Variants in SPATS2L observed in about 807,000 individuals in gnomAD.
SPATS2L encodes spermatogenesis associated serine rich 2 like.
A neutral mutation model predicts 59.6 loss-of-function variants in SPATS2L; 30 were observed. The observed-to-expected ratio is 0.50, with a 90% confidence interval of 0.38 to 0.68. The LOEUF is 0.68. Among genes scored for constraint, SPATS2L ranks in the 30% least tolerant of loss-of-function variants. The probability of loss-of-function intolerance (pLI) is 0.00; values close to 1 mark genes in which losing one functional copy is unlikely to be tolerated. For missense variants in SPATS2L, 615 were observed against 700.0 expected (o/e 0.88, Z 1.37); for synonymous variants, 252 against 263.5 (o/e 0.96, Z 0.42).
intron 3 of SPATS2L, among the ~76,000 whole-genome samples, chr2:200,403,089 A>G (rs2082582597): frequency 6.6e-6 from 1 of 152,240 alleles, no homozygotes; most frequent in Non-Finnish European, 1.5e-5. Flanking sequence ...AAGGAGAGTC[A>G]GTAGCAAGTA....
chr2:200,343,383 A>C (rs541305095), intron 2 of SPATS2L, among the ~76,000 whole-genome samples: 1 of 152,334 alleles, frequency 6.6e-6, no homozygotes, highest in East Asian at 1.9e-4. Flanking sequence ...ATTCATCAGA[A>C]TTATGGATAC....
chr2:200,427,884 G>A (rs552196621), intron 6 of SPATS2L, among the ~76,000 whole-genome samples: 1 of 152,028 alleles, frequency 6.6e-6, no homozygotes, highest in Admixed American at 6.6e-5. Context: ...CTTAGCCTGG[G>A]CAACATGGCA....
At chr2:200,392,261 C>T (rs1263364532) in intron 3 of SPATS2L, among the ~76,000 whole-genome samples, 3 of 152,074 alleles carry the variant, frequency 2.0e-5, no homozygotes, top group Non-Finnish European at 4.4e-5. Context: ...GAGGAGCTGA[C>T]GTTTAAGTTG....
chr2:200,447,953 G>A (rs1053430848), intron 8 of SPATS2L, among the ~76,000 whole-genome samples: 2 of 152,150 alleles, frequency 1.3e-5, no homozygotes, highest in African/African-American at 4.8e-5. Context: ...TTGGCCAGCT[G>A]GAGCAACACA....
chr2:200,308,967 C>A (rs2079111416), intron 1 of SPATS2L: 1 of 709,698 alleles, frequency 1.4e-6, no homozygotes, highest in South Asian at 1.5e-5. Context: ...AGAGAGTTAT[C>A]TGTGGGCTTG....
chr2:200,308,897 A>G (rs3769481), intron 1 of SPATS2L: 35,560 of 604,898 alleles, frequency 0.059, 1,885 homozygotes, highest in Admixed American at 0.21. Context: ...GGAGCCCCCT[A>G]ATGAAAGTCT....
chr2:200,466,031 C>T (rs1389988405), intron 9 of SPATS2L, among the ~76,000 whole-genome samples: 1 of 152,148 alleles, frequency 6.6e-6, no homozygotes, highest in East Asian at 1.9e-4. Flanking sequence ...GACTCTGTCT[C>T]AAAACAAAAG....
intron 2 of SPATS2L, among the ~76,000 whole-genome samples, chr2:200,354,312 A>G (rs2080837969): frequency 6.6e-6 from 1 of 152,196 alleles, no homozygotes; most frequent in South Asian, 2.1e-4. Context: ...CAGCCCTAGT[A>G]AAGAATCAAG....
intron 3 of SPATS2L, among the ~76,000 whole-genome samples, chr2:200,392,733 GT>G (rs2082209856): frequency 6.6e-6 from 1 of 152,288 alleles, no homozygotes; most frequent in Middle Eastern, 3.4e-3. Context: ...GTGGGGGGTG[GT>G]CTTGTGGAAC....
At chr2:200,340,024 G>A (rs62179519) in intron 2 of SPATS2L, among the ~76,000 whole-genome samples, 16,501 of 152,140 alleles carry the variant, frequency 0.11, 952 homozygotes, top group Non-Finnish European at 0.13. Flanking sequence ...GTGCCTCCAT[G>A]TGATCCTTCA....
At chr2:200,422,987 T>G (rs2083378320) in intron 6 of SPATS2L, among the ~76,000 whole-genome samples, 1 of 152,162 alleles carries the variant, frequency 6.6e-6, no homozygotes, top group Non-Finnish European at 1.5e-5. Context: ...CTCACTCTGA[T>G]CACCAAGACA....
chr2:200,333,999 A>G (rs2080050868), intron 2 of SPATS2L, among the ~76,000 whole-genome samples: 1 of 152,186 alleles, frequency 6.6e-6, no homozygotes, highest in South Asian at 2.1e-4. Context: ...ATGATTTATA[A>G]TCCTTTGGGT....
intron 2 of SPATS2L, chr2:200,373,313 G>GTGA (rs1213399651): frequency 6.8e-6 from 1 of 146,308 alleles, no homozygotes; most frequent in Non-Finnish European, 1.5e-5. Context: ...GACTAATACT[G>GTGA]TGACCATTAG....
At chr2:200,374,011 G>C (rs2081517502) in intron 2 of SPATS2L, among the ~76,000 whole-genome samples, 2 of 152,172 alleles carry the variant, frequency 1.3e-5, no homozygotes, top group African/African-American at 2.4e-5. Context: ...ACCTCTAGCT[G>C]CATTACGAAC....
chr2:200,394,852 G>A (rs2082282948), intron 3 of SPATS2L, among the ~76,000 whole-genome samples: 1 of 152,110 alleles, frequency 6.6e-6, no homozygotes, highest in Non-Finnish European at 1.5e-5. Context: ...AAATACAGGT[G>A]GTCTCAGGTA....
At chr2:200,338,644 A>G (rs2080220766) in intron 2 of SPATS2L, among the ~76,000 whole-genome samples, 1 of 152,366 alleles carries the variant, frequency 6.6e-6, no homozygotes, top group African/African-American at 2.4e-5. Context: ...TCATCTTATC[A>G]CAGCTTTTCT....
At chr2:200,309,169 G>T (rs2079119225) in intron 1 of SPATS2L, 1 of 716,990 alleles carries the variant, frequency 1.4e-6, no homozygotes, top group East Asian at 2.7e-5. Context: ...GAGTTTCTCA[G>T]TCTGCGATCA....
At chr2:200,477,515 TAAAAAAAAAAA>T (rs59073895) in intron 12 of SPATS2L, 110 bp from the exon 13 acceptor site, 17 of 302,664 alleles carry the variant, frequency 5.6e-5, no homozygotes, top group Middle Eastern at 1.7e-3. Flanking sequence ...TTCTGGTGTA[TAAAAAAAAAAA>T]AAAAAAAAAA....
intron 2 of SPATS2L, among the ~76,000 whole-genome samples, chr2:200,369,262 A>C (rs976426127): frequency 1.3e-5 from 2 of 152,120 alleles, no homozygotes; most frequent in Admixed American, 6.5e-5. Context: ...AGATTCAGGC[A>C]ATTCTCCTGC....
Sources: gnomAD v4.1 joint callset for allele counts (sites outside exome capture counted in the v4.1 genomes callset) on GRCh38, gnomAD v4.1.1 for gene constraint, MANE v1.5 for transcripts, NCBI Gene and HGNC (gene_info 2026-07-23, HGNC 2026-07-21) for gene names.